The following SLTM variants were observed in gnomAD, a reference collection of about 807,000 sequenced individuals.
SLTM encodes SAFB-like transcription modulator.
In SLTM, 43 loss-of-function variants were observed where a neutral mutation model predicts 134.6. That is an observed-to-expected ratio of 0.32 (90% CI 0.25 to 0.41). The LOEUF (loss-of-function observed/expected upper bound fraction) is 0.41, where lower values mean the gene tolerates loss of function less well. SLTM is among the 10% of genes least tolerant of loss of function. SLTM has a pLI of 1.00. For missense variants in SLTM, 1,055 were observed against 1,288.8 expected, an observed-to-expected ratio of 0.82 and a Z score of 2.78; for synonymous variants, 424 against 432.3, an observed-to-expected ratio of 0.98 and a Z score of 0.24.
Position 58,899,293 on chromosome 15 carries a change from T to TTTCTATGCAAGA in SLTM, c.1058+175_1058+176insTCTTGCATAGAA, listed in dbSNP as rs1470603141. ...AATGCAATCAGTAGAACACACTGCA[T>TTTCTATGCAAGA]TATTATGAAGATCTTGAAAATTTTT... is the stretch of plus-strand genomic sequence containing the variant. On this transcript the variant is annotated intron_variant, in intron 7 of 20. Transcript: ENST00000380516. The surrounding 1 kb of genome is among the most constrained non-coding windows in gnomAD (Gnocchi z 5.0). 1.7e-6 allele frequency: 1 copy of TTTCTATGCAAGA among 595,770 alleles called. No individual in the cohort carries two copies. The highest frequency in any genetic ancestry group is 1.9e-5 in the African/African-American group (1 of 53,848). The allele number at this position is 595,770 out of a possible 1,614,324, so 36.9% of individuals were successfully genotyped here.
chr15:58,913,667 A>G lies in SLTM; in HGVS notation c.345T>C (p.His115=), dbSNP rs1352478539. The G allele has an allele frequency of 1.2e-6, 2 of 1,613,594 alleles. No homozygotes were observed. Among genetic ancestry groups the G allele is most frequent in the East Asian group, 4.5e-5 (2 of 44,786 alleles). ...TTAGTTCATCATTTCCATCTTGCTC[A>G]TGTGCCTCTTGATTCTCCAATTCAC... ...KDCELENQEA[H]EQDGNDELKD... is the part of the protein sequence containing the mutation. The change falls in exon 4 of 21, where the codon CAT becomes CAC. Residue 115 remains histidine (H), a synonymous_variant. Transcript: ENST00000380516.
chr15:58,896,988 T>G, intron 9 of SLTM, 127 bp downstream of exon 9: 1 of 594,648 alleles, frequency 1.7e-6, no homozygotes, highest in Non-Finnish European at 3.0e-6. Flanking sequence ...AACTCAATAA[T>G]TATGTCTATT....
At chr15:58,917,832 T>A (rs1304455730) in intron 2 of SLTM, among the ~76,000 whole-genome samples, 5 of 152,058 alleles carry the variant, frequency 3.3e-5, no homozygotes, top group Admixed American at 1.3e-4. Context: ...TCACTGTAAC[T>A]TCCCCCTCCT....
At chr15:58,880,483 C>A (rs1447808476) in intron 20 of SLTM, among the ~76,000 whole-genome samples, 2 of 152,170 alleles carry the variant, frequency 1.3e-5, no homozygotes, top group East Asian at 1.9e-4. Context: ...CAAATTCTCA[C>A]CCCCATCTCA....
intron 14 of SLTM, among the ~76,000 whole-genome samples, chr15:58,892,196 C>T (rs1199685980): frequency 6.6e-6 from 1 of 152,160 alleles, no homozygotes; most frequent in African/African-American, 2.4e-5. Flanking sequence ...TACTATAAAA[C>T]ACACCCACAA....
chr15:58,887,293 G>A lies in SLTM; in HGVS notation c.2623C>T (p.Pro875Ser). 1 of 1,614,104 alleles carries A rather than the reference G, an allele frequency of 6.2e-7. No individual in the cohort carries two copies. The highest frequency in any genetic ancestry group is 8.5e-7 in the Non-Finnish European group (1 of 1,180,024). The stretch of plus-strand genomic sequence containing the variant: ...CAGCTGGTGGGTCTGGAAGGATTGG[G>A]CCCTGCCTCTCGAGGATGTCTAGGA... ...THPRHPREAG[P>S]NPSRPTSWKS... is the part of the protein sequence containing the mutation. Residue 875 changes from proline (P) to serine (S), a missense_variant, in exon 18 of 21, where the codon CCC becomes TCC. Around this residue, in one of 3 missense-constraint regions of SLTM, gnomAD observed 776 missense variants for 962.2 expected, o/e 0.81. Coordinates refer to ENST00000380516, the MANE Select transcript of SLTM (RefSeq NM_024755.4).
Position 58,913,683 on chromosome 15 carries a change from TCC to T in SLTM, c.327_328del (p.Asn111SerfsTer5), listed in dbSNP as rs758343583. The T allele has an allele frequency of 5.6e-6, 9 of 1,613,400 alleles. No homozygotes were observed. The Admixed American group carries it at 1.3e-4, about 24-fold the overall frequency. ...ATCTTGCTCATGTGCCTCTTGATTCTCCAATTCACAGTCCTTTTAATGGTAAG... is the reference window on the plus strand; with the variant it reads ...ATCTTGCTCATGTGCCTCTTGATTCTAATTCACAGTCCTTTTAATGGTAAG... On this transcript the variant is annotated frameshift_variant, in exon 4 of 21. Coordinates refer to ENST00000380516, the MANE Select transcript of SLTM (RefSeq NM_024755.4). LOFTEE classifies it high-confidence loss of function.
intron 5 of SLTM, among the ~76,000 whole-genome samples, chr15:58,907,791 G>A (rs1379413458): frequency 6.6e-6 from 1 of 152,050 alleles, no homozygotes; most frequent in East Asian, 1.9e-4. Flanking sequence ...TATATCAACT[G>A]AGTAAGAATT....
In SLTM at chr15:58,899,625, G is replaced by C. The variant is rs752863627; in HGVS notation, c.902C>G (p.Ala301Gly). The C allele has an allele frequency of 5.0e-6, 8 of 1,613,988 alleles. No homozygotes were observed. Among genetic ancestry groups the C allele is most frequent in the Non-Finnish European group, 5.1e-6 (6 of 1,180,018 alleles). The change falls in exon 7 of 21, where the codon GCG (alanine) becomes GGG (glycine). Residue 301 changes from alanine to glycine, a missense_variant. Physicochemically the swap from Ala to Gly is moderately conservative, Grantham distance 60. Transcript: ENST00000380516. This position sits in a 1 kb window ranked among gnomAD's most constrained non-coding sequence, Gnocchi z 5.0. Reference protein sequence around the residue: ...EKESKDYEMNANHKDGKKEDC... With the variant: ...EKESKDYEMNGNHKDGKKEDC... The stretch of plus-strand genomic sequence containing the variant: ...TTCCTTCTTACCATCTTTATGGTTC[G>C]CATTCATCTCATAATCCTTGCTTTC...
At chr15:58,924,818 TAA>T (rs1312361382) in intron 2 of SLTM, among the ~76,000 whole-genome samples, 2 of 152,154 alleles carry the variant, frequency 1.3e-5, no homozygotes, top group Non-Finnish European at 2.9e-5. Flanking sequence ...AAATCCCACT[TAA>T]TAATTAGTTT....
At chr15:58,904,303 G>A (rs890700165) in intron 5 of SLTM, among the ~76,000 whole-genome samples, 3 of 152,028 alleles carry the variant, frequency 2.0e-5, no homozygotes, top group Non-Finnish European at 2.9e-5. Flanking sequence ...GAGCTGCCAC[G>A]CCCGGCCAAC....
intron 5 of SLTM, among the ~76,000 whole-genome samples, chr15:58,907,442 C>T (rs888696185): frequency 6.6e-6 from 1 of 151,990 alleles, no homozygotes; most frequent in Non-Finnish European, 1.5e-5. Flanking sequence ...GGCAACAAGG[C>T]GAACCCCCAT....
intron 2 of SLTM, among the ~76,000 whole-genome samples, chr15:58,918,153 CAA>C (rs2141162534): frequency 6.6e-6 from 1 of 151,068 alleles, no homozygotes; most frequent in South Asian, 2.1e-4. Context: ...GGCTAGTCCA[CAA>C]AATCCTACTT....
chr15:58,921,608 T>G (rs1161356394), intron 2 of SLTM: 2 of 438,620 alleles, frequency 4.6e-6, no homozygotes, highest in Non-Finnish European at 9.2e-6. Context: ...AGGACAAGAT[T>G]GTCAAACAGT....
intron 19 of SLTM, among the ~76,000 whole-genome samples, chr15:58,885,798 C>G (rs1195349002): frequency 6.7e-6 from 1 of 149,178 alleles, no homozygotes; most frequent in Non-Finnish European, 1.5e-5. Flanking sequence ...AACAAACAAA[C>G]AAAACAAAAC....
chr15:58,885,886 CT>C (rs2034142190), intron 19 of SLTM, among the ~76,000 whole-genome samples: 1 of 152,108 alleles, frequency 6.6e-6, no homozygotes, highest in South Asian at 2.1e-4. Flanking sequence ...GACACACACA[CT>C]GCACAATTCT....
chr15:58,892,199 AC>A (rs2034698495), intron 14 of SLTM, among the ~76,000 whole-genome samples: 1 of 152,158 alleles, frequency 6.6e-6, no homozygotes, highest in Non-Finnish European at 1.5e-5. Context: ...TATAAAACAC[AC>A]CCACAAGACT....
intron 3 of SLTM, among the ~76,000 whole-genome samples, chr15:58,915,190 CAA>C (rs1491231689): frequency 7.5e-6 from 1 of 132,870 alleles, no homozygotes; most frequent in Non-Finnish European, 1.6e-5. Flanking sequence ...GACTCCATCT[CAA>C]AAAACAAAAA....
intron 5 of SLTM, among the ~76,000 whole-genome samples, chr15:58,906,241 G>A (rs1381854276): frequency 1.3e-5 from 2 of 151,980 alleles, no homozygotes; most frequent in Non-Finnish European, 2.9e-5. Context: ...TTTTCCAAAT[G>A]AGGAATATAG....
Sources: allele counts gnomAD v4.1 joint callset (sites outside exome capture counted in the v4.1 genomes callset), GRCh38; gene constraint gnomAD v4.1.1; regional missense constraint gnomAD v4.1.1; non-coding constraint Gnocchi (gnomAD v3.1); transcripts MANE v1.5; gene names NCBI Gene and HGNC (gene_info 2026-07-23, HGNC 2026-07-21).